PDGFRB: variants seen among roughly 807,000 people sequenced by gnomAD.
PDGFRB encodes the protein platelet-derived growth factor receptor beta.
A neutral mutation model predicts 120.2 loss-of-function variants in PDGFRB; 42 were observed. The observed-to-expected ratio is 0.35, with a 90% CI of 0.27 to 0.45. The LOEUF (loss-of-function observed/expected upper bound fraction) is 0.45. PDGFRB is among the 20% of genes least tolerant of loss of function. The pLI is 1.00. For synonymous variants in PDGFRB, 586 were observed against 606.8 expected, an observed-to-expected ratio of 0.97 and a Z score of 0.50; for missense variants, 1,149 against 1,476.3, an observed-to-expected ratio of 0.78 and a Z score of 3.63.
At position 150,115,582 on chromosome 5, in the gene PDGFRB, T is replaced by G; in HGVS notation, c.*181A>C. ...AGGGCTGGTCACGGCCCCTGCAGTT[T>G]TCTTGCCTCCTAAGCCAGCCCCAGG... On this transcript the variant is annotated 3_prime_UTR_variant, in exon 23 of 23. Transcript: ENST00000261799. 1 of 509,596 alleles carries G rather than the reference T, an allele frequency of 2.0e-6. No individual in the cohort carries two copies. The highest frequency in any genetic ancestry group is 3.3e-6 in the Non-Finnish European group (1 of 306,540). 31.6% of individuals were successfully genotyped at this position (509,596 alleles called of 1,614,324 possible).
At chr5:150,136,976 C>CG (rs752061495) in intron 2 of PDGFRB, 32 bp downstream of exon 2, 2 of 1,593,038 alleles carry the variant, frequency 1.3e-6, no homozygotes, top group South Asian at 1.1e-5. Flanking sequence ...CGCAGCCCCC[C>CG]GGGTCCCCTA....
Position 150,132,782 on chromosome 5 carries a change from G to A in PDGFRB, c.1095C>T (p.Ile365=), listed in dbSNP as rs751567704. Reference sequence around the variant, plus strand: ...CCGACACGTTGCGCGTGGACAGGGCGATTTCGCCAGCGCTGGAGTCGCCCA... The same window carrying A: ...CCGACACGTTGCGCGTGGACAGGGCAATTTCGCCAGCGCTGGAGTCGCCCA... ...RTLGDSSAGE[I]ALSTRNVSET... is the part of the protein sequence containing the mutation. The change falls in exon 7 of 23, where the codon ATC becomes ATT. Residue 365 remains isoleucine, a synonymous_variant. Coordinates refer to ENST00000261799, the MANE Select transcript of PDGFRB (RefSeq NM_002609.4). This position sits in a 1 kb window ranked among gnomAD's most constrained non-coding sequence, Gnocchi z 5.0. The A allele has an allele frequency of 5.2e-5, 84 of 1,613,038 alleles. No individual in the cohort carries two copies. Among genetic ancestry groups the A allele is most frequent in the South Asian group, 4.4e-5 (4 of 90,862 alleles).
intron 2 of PDGFRB, among the ~76,000 whole-genome samples, chr5:150,136,611 C>T (rs779134941): frequency 3.4e-4 from 52 of 152,070 alleles, no homozygotes; most frequent in South Asian, 6.2e-4. Context: ...GACATGTTAA[C>T]GGGCAGGAGT....
Position 150,119,551 on chromosome 5 carries a change from G to A in PDGFRB, c.2714C>T (p.Pro905Leu), listed in dbSNP as rs1456958325. The A allele has an allele frequency of 2.5e-6, 4 of 1,609,154 alleles. No homozygotes were observed. Among genetic ancestry groups the A allele is most frequent in the South Asian group, 1.1e-5 (1 of 91,002 alleles). Residue 905 changes from proline to leucine, a missense_variant, in exon 20 of 23, where the codon CCA becomes CTA. Pro to Leu is a moderately conservative substitution (Grantham distance 98). Transcript: ENST00000261799. ...EIFTLGGTPY[P>L]ELPMNEQFYN... ...GAACTGCTCGTTCATGGGCAGCTCTGGGTAAGGGGTGCCACCTGTTGGGGA... is the reference window on the plus strand; with the variant it reads ...GAACTGCTCGTTCATGGGCAGCTCTAGGTAAGGGGTGCCACCTGTTGGGGA...
Position 150,132,168 on chromosome 5 carries a change from G to T in PDGFRB, c.1128-74C>A. 1 of 808,444 alleles carries T rather than the reference G, an allele frequency of 1.2e-6. No homozygotes were observed. The highest frequency in any genetic ancestry group is 2.1e-6 in the Non-Finnish European group (1 of 472,704). The allele number at this position is 808,444 out of a possible 1,614,324, so 50.1% of individuals were successfully genotyped here. A position where few individuals can be genotyped will look rare whatever the true frequency, so the allele number is the denominator to read the frequency against. ...TCTCCCCACCCTCCTGGTATAAAGAGGAACAAGGCCCAGGGAGGGGAAGGG... is the reference window on the plus strand; with the variant it reads ...TCTCCCCACCCTCCTGGTATAAAGATGAACAAGGCCCAGGGAGGGGAAGGG... On this transcript the variant is annotated intron_variant, in intron 7 of 22. Transcript: ENST00000261799. The surrounding 1 kb of genome is among the most constrained non-coding windows in gnomAD (Gnocchi z 5.0).
intron 1 of PDGFRB, among the ~76,000 whole-genome samples, chr5:150,144,551 G>A (rs888953366): frequency 3.9e-4 from 59 of 152,352 alleles, no homozygotes; most frequent in African/African-American, 1.2e-3. Context: ...GATAAAGAAC[G>A]GGCTGATCTC....
In PDGFRB at chr5:150,121,158, C is replaced by G; in HGVS notation, c.2463+46G>C. The G allele has an allele frequency of 7.6e-7, 1 of 1,310,732 alleles. No individual in the cohort carries two copies. The highest frequency in any genetic ancestry group is 1.2e-5 in the South Asian group (1 of 84,956). The allele number at this position is 1,310,732 out of a possible 1,614,324, so 81.2% of individuals were successfully genotyped here. A position where few individuals can be genotyped will look rare whatever the true frequency, so the allele number is the denominator to read the frequency against. ...GGAGGATGCTGGCTGGCTGGGTGAC[C>G]CACCTCCCCACAGCCCCCACTCTGC... On this transcript the variant is annotated intron_variant, in intron 17 of 22. Transcript: ENST00000261799. The surrounding 1 kb of genome is among the most constrained non-coding windows in gnomAD (Gnocchi z 4.1).
At chr5:150,147,545 C>A (rs1456608728) in intron 1 of PDGFRB, among the ~76,000 whole-genome samples, 2 of 152,208 alleles carry the variant, frequency 1.3e-5, no homozygotes, top group South Asian at 2.1e-4. Flanking sequence ...AGCCTTCCCC[C>A]ACAGGCCCAG....
chr5:150,119,887 G>A, intron 19 of PDGFRB, 125 bp downstream of exon 19: 1 of 691,250 alleles, frequency 1.4e-6, no homozygotes, highest in East Asian at 2.6e-5. Context: ...AGGTAGCAGA[G>A]CTGGGACCTG....
At chr5:150,145,327 G>T (rs960458679) in intron 1 of PDGFRB, among the ~76,000 whole-genome samples, 1 of 152,204 alleles carries the variant, frequency 6.6e-6, no homozygotes, top group African/African-American at 2.4e-5. Flanking sequence ...CCCACAGTAG[G>T]CTGGCTATTA....
At chr5:150,118,242 G>A (rs762468849) in intron 21 of PDGFRB, among the ~76,000 whole-genome samples, 3 of 152,146 alleles carry the variant, frequency 2.0e-5, no homozygotes, top group East Asian at 1.9e-4. Context: ...GGCAGTGGGG[G>A]TGAGAAATGG....
Position 150,117,801 on chromosome 5 carries a change from A to G in PDGFRB, c.2954T>C (p.Ile985Thr), listed in dbSNP as rs753367645. The G allele has an allele frequency of 6.8e-6, 11 of 1,613,592 alleles. No homozygotes were observed. Among genetic ancestry groups the G allele is most frequent in the Admixed American group, 5.0e-5 (3 of 59,968 alleles). ...EEFLRSDHPA[I>T]LRSQARLPGF... ...AGGCAAGCGGGCCTGGGACCGAAGG[A>G]TGGCTGGGTGGTCACTCCTCAGAAA... The change falls in exon 22 of 23, where the codon ATC (isoleucine) becomes ACC (threonine). Residue 985 changes from isoleucine to threonine, a missense_variant. Ile to Thr is a moderately conservative substitution (Grantham distance 89). This residue lies in a region of PDGFRB where 202 missense variants were observed against 214.3 expected (regional missense o/e 0.94). Transcript: ENST00000261799.
Position 150,132,814 on chromosome 5 carries a change from G to C in PDGFRB, c.1063C>G (p.Arg355Gly). 6.2e-7 allele frequency: 1 copy of C among 1,612,586 alleles called. No individual in the cohort carries two copies. The highest frequency in any genetic ancestry group is 8.5e-7 in the Non-Finnish European group (1 of 1,179,494). ...CCAGCGCTGGAGTCGCCCAGGGTGCGGTTGTCTTTGAACCACAGGACAGTG... is the reference window on the plus strand; with the variant it reads ...CCAGCGCTGGAGTCGCCCAGGGTGCCGTTGTCTTTGAACCACAGGACAGTG... ...PPTVLWFKDN[R>G]TLGDSSAGEI... The change falls in exon 7 of 23, where the codon CGC (arginine) becomes GGC (glycine). Residue 355 changes from arginine to glycine, a missense_variant. Physicochemically the swap from Arg to Gly is moderately radical, Grantham distance 125. Transcript: ENST00000261799. This position sits in a 1 kb window ranked among gnomAD's most constrained non-coding sequence, Gnocchi z 5.0.
rs752973053 is a variant in PDGFRB at position 150,132,708 on chromosome 5, A to G, written c.1127+42T>C. 4 of 1,581,696 alleles carry G rather than the reference A, an allele frequency of 2.5e-6. No individual in the cohort carries two copies. Among genetic ancestry groups the G allele is most frequent in the Non-Finnish European group, 3.4e-6 (4 of 1,160,138 alleles). ...CGAGGGCTGCCTGGCGGCTGCAAAGAAAAATAACTTCAAGAATGGGATGGG... is the reference window on the plus strand; with the variant it reads ...CGAGGGCTGCCTGGCGGCTGCAAAGGAAAATAACTTCAAGAATGGGATGGG... On this transcript the variant is annotated intron_variant, in intron 7 of 22. Transcript: ENST00000261799. The surrounding 1 kb of genome is among the most constrained non-coding windows in gnomAD (Gnocchi z 5.0).
At chr5:150,122,063 G>A in intron 15 of PDGFRB, 23 bp from the exon 16 acceptor site, 2 of 1,607,476 alleles carry the variant, frequency 1.2e-6, no homozygotes, top group Non-Finnish European at 1.7e-6. Context: ...GAGCATCACA[G>A]GAGAGCCTGC....
chr5:150,135,167 G>A lies in PDGFRB; in HGVS notation c.365-151C>T, dbSNP rs951408914. On this transcript the variant is annotated intron_variant, in intron 3 of 22. Transcript: ENST00000261799. ...CCAGAAGAGCATAAATCAAATGTTA[G>A]AGCTGGTCCCTTCCAGCTCTAATGT... 15 of 599,194 alleles carry A rather than the reference G, an allele frequency of 2.5e-5. No individual in the cohort carries two copies. In the South Asian group the frequency reaches 3.0e-4, roughly 12 times the overall value. 37.1% of individuals were successfully genotyped at this position (599,194 alleles called of 1,614,324 possible).
At chr5:150,127,058 C>T (rs1054729355) in intron 10 of PDGFRB, among the ~76,000 whole-genome samples, 1 of 152,230 alleles carries the variant, frequency 6.6e-6, no homozygotes, top group East Asian at 1.9e-4. Context: ...CATGCCTGAC[C>T]GAGTGGCCGG....
intron 21 of PDGFRB, 115 bp from the exon 22 acceptor site, chr5:150,117,965 G>C (rs1031245483): frequency 9.3e-6 from 6 of 645,980 alleles, no homozygotes; most frequent in Non-Finnish European, 1.7e-5. Flanking sequence ...CCGCTGCTCA[G>C]AGGGGAAAGG....
rs534524738 is a variant in PDGFRB at position 150,142,175 on chromosome 5, G to T, written c.-6-5122C>A. On this transcript the variant is annotated intron_variant, in intron 1 of 22. Transcript: ENST00000261799. Reference sequence around the variant, plus strand: ...GCTCGTGGGGAAACTGAGGCTTAGGGAAGGAAAGCAAGAGGGCCCATTGTT... The same window carrying T: ...GCTCGTGGGGAAACTGAGGCTTAGGTAAGGAAAGCAAGAGGGCCCATTGTT... 2.8e-3 allele frequency among the ~76,000 whole-genome samples: 426 copies of T among 152,278 alleles called. 1 individual carries two copies. Among genetic ancestry groups the T allele is most frequent in the African/African-American group, 0.01 (416 of 41,544 alleles).
Sources: allele counts gnomAD v4.1 joint callset (sites outside exome capture counted in the v4.1 genomes callset), GRCh38; gene constraint gnomAD v4.1.1; regional missense constraint gnomAD v4.1.1; non-coding constraint Gnocchi (gnomAD v3.1); transcripts MANE v1.5; gene names NCBI Gene and HGNC (gene_info 2026-07-23, HGNC 2026-07-21).